GATAD2A: variants seen among roughly 807,000 people sequenced by gnomAD.
GATAD2A encodes transcriptional repressor p66-alpha.
GATAD2A carries 12 observed loss-of-function variants against 68.5 expected under a neutral mutation model. That is an observed-to-expected ratio of 0.18 (90% CI 0.11 to 0.28). The LOEUF (loss-of-function observed/expected upper bound fraction) is 0.28, where lower values mean the gene tolerates loss of function less well. Ranked by LOEUF, GATAD2A falls within the 10% of genes least tolerant of loss-of-function variation. The pLI is 1.00. For synonymous variants in GATAD2A, 410 were observed against 375.3 expected (o/e 1.09, Z -1.07); for missense variants, 755 against 868.5 (o/e 0.87, Z 1.64).
chr19:19,440,874 TAAACAAA>T (rs1372507003), intron 1 of GATAD2A, among the ~76,000 whole-genome samples: 7 of 152,304 alleles, frequency 4.6e-5, no homozygotes, highest in Non-Finnish European at 1.0e-4. Flanking sequence ...CCAATAAAGG[TAAACAAA>T]TTTATTTCCT....
chr19:19,430,976 G>GGTGTGTGTGTGTGTGT lies in GATAD2A; in HGVS notation c.-7+24984_-7+24999dup, dbSNP rs71170687. ...GTGTTTGGGTGGGTTGTATGGTAGGGGTGTGTGTGTGTGTGTGTGTGTGTG... is the reference window on the plus strand; with the variant it reads ...GTGTTTGGGTGGGTTGTATGGTAGGGGTGTGTGTGTGTGTGTGTGTGTGTGTGTGTGTGTGTGTGTG... On this transcript the variant is annotated intron_variant, in intron 1 of 11. Coordinates refer to ENST00000683918, the MANE Select transcript of GATAD2A (RefSeq NM_001384528.1). 8.1e-4 allele frequency among the ~76,000 whole-genome samples: 111 copies of GGTGTGTGTGTGTGTGT among 136,774 alleles called. 1 individual carries two copies. Among genetic ancestry groups the GGTGTGTGTGTGTGTGT allele is most frequent in the African/African-American group, 1.8e-3 (65 of 35,674 alleles). The allele number at this position is 136,774 out of a possible 152,430, so 89.7% of individuals were successfully genotyped here.
chr19:19,498,017 G>A (rs932147074), intron 7 of GATAD2A, among the ~76,000 whole-genome samples: 1 of 152,204 alleles, frequency 6.6e-6, no homozygotes, highest in Non-Finnish European at 1.5e-5. Flanking sequence ...GGCTCATGGG[G>A]GTGCTGCGGT....
intron 2 of GATAD2A, among the ~76,000 whole-genome samples, chr19:19,469,982 A>C (rs1476081968): frequency 2.0e-5 from 3 of 151,838 alleles, no homozygotes. Context: ...CAGCTTAATT[A>C]TATGTTGTTT....
intron 1 of GATAD2A, among the ~76,000 whole-genome samples, chr19:19,400,484 A>G (rs887397715): frequency 3.9e-5 from 6 of 152,266 alleles, no homozygotes; most frequent in Non-Finnish European, 7.4e-5. Context: ...CCCATGTCCC[A>G]CAAACTCTTG....
intron 1 of GATAD2A, among the ~76,000 whole-genome samples, chr19:19,397,033 C>G (rs773741356): frequency 2.0e-5 from 3 of 152,112 alleles, no homozygotes; most frequent in Non-Finnish European, 4.4e-5. Flanking sequence ...GCTAGGTGTT[C>G]TGAGAAGAGG....
chr19:19,437,609 T>C (rs2054516922), intron 1 of GATAD2A, among the ~76,000 whole-genome samples: 1 of 152,206 alleles, frequency 6.6e-6, no homozygotes. Flanking sequence ...CTCCCCTTTC[T>C]ACTGATGACC....
At chr19:19,497,806 A>G (rs771645700) in intron 7 of GATAD2A, among the ~76,000 whole-genome samples, 2 of 152,182 alleles carry the variant, frequency 1.3e-5, no homozygotes, top group African/African-American at 2.4e-5. Flanking sequence ...GGAGAGCCCT[A>G]TCCAGCAGTT....
chr19:19,452,602 T>C (rs558804126), intron 1 of GATAD2A, among the ~76,000 whole-genome samples: 67 of 151,716 alleles, frequency 4.4e-4, no homozygotes, highest in Non-Finnish European at 1.9e-4. Context: ...TGAAGTGACG[T>C]GCAGAATTGA....
At chr19:19,473,343 G>GT (rs1378901364) in intron 2 of GATAD2A, among the ~76,000 whole-genome samples, 5 of 151,894 alleles carry the variant, frequency 3.3e-5, no homozygotes, top group Admixed American at 1.3e-4. Flanking sequence ...CTTGGCTTTA[G>GT]TTTTTTTTGG....
In GATAD2A at chr19:19,508,221, T is replaced by G. The variant is rs1331480196; in HGVS notation, c.*2747T>G. ...AGACAGGGCTGGGGAGATCTCAGAG[T>G]TCACACCTCGCCTGTTGTAGGGGAG... On this transcript the variant is annotated 3_prime_UTR_variant, in exon 12 of 12. Transcript: ENST00000683918. 1 of 152,116 alleles carries G rather than the reference T, an allele frequency of 6.6e-6. No individual in the cohort carries two copies. The highest frequency in any genetic ancestry group is 1.5e-5 in the Non-Finnish European group (1 of 68,002). 9.4% of individuals were successfully genotyped at this position (152,116 alleles called of 1,614,324 possible).
intron 1 of GATAD2A, among the ~76,000 whole-genome samples, chr19:19,387,596 G>T (rs562783517): frequency 6.6e-6 from 1 of 152,224 alleles, no homozygotes; most frequent in Admixed American, 6.5e-5. Context: ...TGGGATTACA[G>T]GTGTGAGCCA....
At position 19,501,103 on chromosome 19, in the gene GATAD2A, G is replaced by T. The variant is rs2060494771; in HGVS notation, c.1205-15G>T. 6.2e-7 allele frequency: 1 copy of T among 1,604,250 alleles called. No individual in the cohort carries two copies. Among genetic ancestry groups the T allele is most frequent in the Non-Finnish European group, 8.5e-7 (1 of 1,173,250 alleles). The stretch of plus-strand genomic sequence containing the variant: ...CCTGGCCCTCTGACGTGAGCCATGT[G>T]CTGTCTGCTTGCAGCAGGCAGGATG... On this transcript the variant is annotated splice_polypyrimidine_tract_variant and intron_variant, in intron 8 of 11. Coordinates refer to ENST00000683918, the MANE Select transcript of GATAD2A (RefSeq NM_001384528.1).
intron 2 of GATAD2A, among the ~76,000 whole-genome samples, chr19:19,473,525 A>G (rs2058461659): frequency 6.6e-6 from 1 of 152,168 alleles, no homozygotes; most frequent in Non-Finnish European, 1.5e-5. Flanking sequence ...GCAGTCACCA[A>G]GAGGGCGGTG....
chr19:19,460,925 C>A (rs886877589), intron 1 of GATAD2A, among the ~76,000 whole-genome samples: 1 of 152,210 alleles, frequency 6.6e-6, no homozygotes, highest in Non-Finnish European at 1.5e-5. Flanking sequence ...CCGGTGCCGC[C>A]CGTTCCACCC....
intron 1 of GATAD2A, among the ~76,000 whole-genome samples, chr19:19,413,336 T>C (rs533631057): frequency 6.6e-6 from 1 of 152,358 alleles, no homozygotes; most frequent in East Asian, 1.9e-4. Flanking sequence ...ATTCTTGGTT[T>C]GAAGGCATCG....
In GATAD2A at chr19:19,412,977, A is replaced by G. The variant is rs74431893; in HGVS notation, c.-7+6958A>G. 9.0e-3 allele frequency among the ~76,000 whole-genome samples: 1,370 copies of G among 152,358 alleles called. 24 individuals are homozygous for G. Among genetic ancestry groups the G allele is most frequent in the African/African-American group, 0.031 (1,297 of 41,576 alleles). ...ATTTGTAACAGTTTCTCCTGAACAC[A>G]GATCCCTTTCGTACCATGGTAAAGT... On this transcript the variant is annotated intron_variant, in intron 1 of 11. Transcript: ENST00000683918.
chr19:19,466,697 T>G (rs1029600570), intron 2 of GATAD2A, among the ~76,000 whole-genome samples: 1 of 152,250 alleles, frequency 6.6e-6, no homozygotes, highest in Non-Finnish European at 1.5e-5. Flanking sequence ...TGACAAAGCC[T>G]CCTAGTCTGA....
chr19:19,476,378 GTCAC>G (rs2058678133), intron 2 of GATAD2A, among the ~76,000 whole-genome samples: 2 of 152,142 alleles, frequency 1.3e-5, no homozygotes, highest in Admixed American at 1.3e-4. Flanking sequence ...TGTCTTATTT[GTCAC>G]TCACTGACAG....
In GATAD2A at chr19:19,450,762, A is replaced by C. The variant is rs1240185805; in HGVS notation, c.-6-14578A>C. On this transcript the variant is annotated intron_variant, in intron 1 of 11. Transcript: ENST00000683918. ...TTACATTAAAAAAAAAAAAAAAAAA[A>C]CTCTTTTTTTTTGTTTGTTTTGTTT... 2.2e-4 allele frequency among the ~76,000 whole-genome samples: 29 copies of C among 133,520 alleles called. 1 individual carries two copies. The highest frequency in any genetic ancestry group is 1.5e-3 in the Admixed American group (20 of 13,558). 87.6% of individuals were successfully genotyped at this position (133,520 alleles called of 152,430 possible). A position where few individuals can be genotyped will look rare whatever the true frequency, so the allele number is the denominator to read the frequency against.
Sources: allele counts gnomAD v4.1 joint callset (sites outside exome capture counted in the v4.1 genomes callset), GRCh38; gene constraint gnomAD v4.1.1; transcripts MANE v1.5; gene names NCBI Gene and HGNC (gene_info 2026-07-23, HGNC 2026-07-21).